The following VPS26C variants were observed in gnomAD, a reference collection of about 807,000 sequenced individuals.
The protein encoded by VPS26C is VPS26 endosomal protein sorting factor C, also known as vacuolar protein sorting-associated protein 26C.
VPS26C carries 19 observed loss-of-function variants against 30.6 expected under a neutral mutation model. The ratio of observed to expected loss-of-function variants is 0.62; its 90% CI spans 0.43 to 0.91. The LOEUF is 0.91. Among genes scored for constraint, VPS26C ranks in the 40% least tolerant of loss-of-function variants. The pLI is 0.00. For synonymous variants in VPS26C, 132 were observed against 151.5 expected, an observed-to-expected ratio of 0.87 and a Z score of 0.95; for missense variants, 318 against 385.1, an observed-to-expected ratio of 0.83 and a Z score of 1.46.
At chr21:37,247,696 T>C (rs2086150997) in intron 1 of VPS26C, among the ~76,000 whole-genome samples, 1 of 152,122 alleles carries the variant, frequency 6.6e-6, no homozygotes, top group Non-Finnish European at 1.5e-5. Context: ...TTATGTTGTA[T>C]GACAGAGAAG....
Position 37,227,896 on chromosome 21 carries a change from A to G in VPS26C, c.659-90T>C, listed in dbSNP as rs2085918912. On this transcript the variant is annotated intron_variant, in intron 6 of 7. Coordinates refer to ENST00000309117, the MANE Select transcript of VPS26C (RefSeq NM_006052.2). ...CGGCACCACCCACCAGTCTGCTCCA[A>G]GAATCCTCCAGGGTCCCCTCCCCTC... is the stretch of plus-strand genomic sequence containing the variant. 1.4e-5 allele frequency: 21 copies of G among 1,521,466 alleles called. No individual in the cohort carries two copies. In the South Asian group the frequency reaches 2.3e-4, roughly 16 times the overall value. 94.2% of individuals were successfully genotyped at this position (1,521,466 alleles called of 1,614,324 possible). A position where few individuals can be genotyped will look rare whatever the true frequency, so the allele number is the denominator to read the frequency against.
Position 37,267,220 on chromosome 21 carries a change from C to T in VPS26C, c.57+18G>A, listed in dbSNP as rs1453473386. On this transcript the variant is annotated intron_variant, in intron 1 of 7. Coordinates refer to ENST00000309117, the MANE Select transcript of VPS26C (RefSeq NM_006052.2). The stretch of plus-strand genomic sequence containing the variant: ...CCGCCCAACCCCACCTCCATCCCCA[C>T]CCCCAGCCCCCACTTACCCCGGCGT... 4 of 1,462,968 alleles carry T rather than the reference C, an allele frequency of 2.7e-6. No homozygotes were observed. The highest frequency in any genetic ancestry group is 1.7e-5 in the Admixed American group (1 of 58,260). The allele number at this position is 1,462,968 out of a possible 1,614,324, so 90.6% of individuals were successfully genotyped here. A position where few individuals can be genotyped will look rare whatever the true frequency, so the allele number is the denominator to read the frequency against.
intron 5 of VPS26C, chr21:37,231,549 C>T (rs1456722921): frequency 1.3e-5 from 2 of 152,454 alleles, no homozygotes; most frequent in African/African-American, 4.8e-5. Flanking sequence ...AGGCCAATGA[C>T]ATCCCAGGGC....
intron 7 of VPS26C, chr21:37,227,382 G>A (rs2085911510): frequency 2.1e-6 from 1 of 468,468 alleles, no homozygotes; most frequent in South Asian, 3.0e-5. Context: ...CTACACTGAT[G>A]TGGGTCTGTG....
chr21:37,240,378 G>T, intron 2 of VPS26C, 118 bp downstream of exon 2: 1 of 1,151,350 alleles, frequency 8.7e-7, no homozygotes. Context: ...TCCCGCCTTG[G>T]CCTCCCAAAT....
At chr21:37,238,907 C>G (rs2086053892) in intron 2 of VPS26C, among the ~76,000 whole-genome samples, 1 of 152,204 alleles carries the variant, frequency 6.6e-6, no homozygotes, top group African/African-American at 2.4e-5. Context: ...TTAACGACCC[C>G]GATCTTCAGG....
chr21:37,248,336 G>A (rs1165031558), intron 1 of VPS26C, among the ~76,000 whole-genome samples: 3 of 72,514 alleles, frequency 4.1e-5, no homozygotes, highest in Non-Finnish European at 7.6e-5. Flanking sequence ...CTTTCTTCTG[G>A]GGGTGGGGGG....
At chr21:37,230,771 G>A (rs2085953386) in intron 5 of VPS26C, 2 of 152,404 alleles carry the variant, frequency 1.3e-5, no homozygotes, top group Non-Finnish European at 1.5e-5. Context: ...AGCGGTGAGA[G>A]CGGGTGTGCT....
intron 3 of VPS26C, among the ~76,000 whole-genome samples, chr21:37,234,263 G>A (rs1300659773): frequency 6.6e-6 from 1 of 152,240 alleles, no homozygotes; most frequent in African/African-American, 2.4e-5. Context: ...GATGTAGCCT[G>A]CACCTCAAAG....
intron 1 of VPS26C, among the ~76,000 whole-genome samples, chr21:37,258,029 G>GAA (rs1197548169): frequency 2.6e-5 from 4 of 152,234 alleles, no homozygotes; most frequent in African/African-American, 9.6e-5. Flanking sequence ...AGACCCTCGT[G>GAA]AAGAGACTAA....
intron 1 of VPS26C, among the ~76,000 whole-genome samples, chr21:37,258,235 C>A (rs1246522758): frequency 6.6e-6 from 1 of 152,252 alleles, no homozygotes; most frequent in East Asian, 1.9e-4. Context: ...CAGGAGGCAC[C>A]TTGCAAACAA....
At chr21:37,259,703 C>T (rs1297153682) in intron 1 of VPS26C, among the ~76,000 whole-genome samples, 1 of 152,138 alleles carries the variant, frequency 6.6e-6, no homozygotes, top group African/African-American at 2.4e-5. Context: ...TTGGCTCTCA[C>T]GGCCAAAATC....
intron 2 of VPS26C, among the ~76,000 whole-genome samples, chr21:37,240,273 C>T (rs2086071673): frequency 6.6e-6 from 1 of 152,098 alleles, no homozygotes; most frequent in African/African-American, 2.4e-5. Flanking sequence ...CAGGCACGCA[C>T]CACCACACCC....
At chr21:37,240,718 C>CA (rs2086078290) in intron 1 of VPS26C, 79 bp from the exon 2 acceptor site, 9 of 1,510,560 alleles carry the variant, frequency 6.0e-6, no homozygotes, top group Non-Finnish European at 7.1e-6. Flanking sequence ...ACGTAGGTCT[C>CA]CTTCATCATC....
intron 7 of VPS26C, chr21:37,225,837 T>G (rs758715118): frequency 2.4e-5 from 14 of 578,754 alleles, no homozygotes; most frequent in African/African-American, 3.7e-5. Context: ...CTGTCAACTT[T>G]CTCTAAGTGA....
Position 37,226,892 on chromosome 21 carries a change from C to A in VPS26C, c.811+762G>T, listed in dbSNP as rs577599801. On this transcript the variant is annotated intron_variant, in intron 7 of 7. Transcript: ENST00000309117. The surrounding 1 kb of genome is among the most constrained non-coding windows in gnomAD (Gnocchi z 4.1). ...TCCCTTCCTACTGGGTCTCTCTGTT[C>A]TACTTCTTCGTAGTGTGGAGTGATC... The A allele has an allele frequency of 6.6e-6, 1 of 152,296 alleles. No individual in the cohort carries two copies. The highest frequency in any genetic ancestry group is 2.4e-5 in the African/African-American group (1 of 41,566). 9.4% of individuals were successfully genotyped at this position (152,296 alleles called of 1,614,324 possible). A position where few individuals can be genotyped will look rare whatever the true frequency, so the allele number is the denominator to read the frequency against.
At chr21:37,240,049 T>A (rs1191157218) in intron 2 of VPS26C, among the ~76,000 whole-genome samples, 1 of 152,140 alleles carries the variant, frequency 6.6e-6, no homozygotes, top group African/African-American at 2.4e-5. Context: ...ATATCAGAAG[T>A]GTAACTACCA....
chr21:37,255,707 G>A (rs2086234783), intron 1 of VPS26C, among the ~76,000 whole-genome samples: 1 of 152,196 alleles, frequency 6.6e-6, no homozygotes, highest in African/African-American at 2.4e-5. Flanking sequence ...GCTAGTCCAA[G>A]AGCCCCAGCT....
chr21:37,267,181 C>A lies in VPS26C; in HGVS notation c.57+57G>T, dbSNP rs2086374595. The A allele has an allele frequency of 4.3e-6, 6 of 1,407,496 alleles. No homozygotes were observed. In the South Asian group the frequency reaches 7.3e-5, roughly 17 times the overall value. The allele number at this position is 1,407,496 out of a possible 1,614,324, so 87.2% of individuals were successfully genotyped here. ...GACGTGCGCAGAGCGATGGAGACAG[C>A]GGAACCTGCAGACCCGCCCAACCCC... On this transcript the variant is annotated intron_variant, in intron 1 of 7. Transcript: ENST00000309117.
Sources: allele counts gnomAD v4.1 joint callset (sites outside exome capture counted in the v4.1 genomes callset), GRCh38; gene constraint gnomAD v4.1.1; non-coding constraint Gnocchi (gnomAD v3.1); transcripts MANE v1.5; gene names NCBI Gene and HGNC (gene_info 2026-07-23, HGNC 2026-07-21).